GOLGA8M: variants seen among roughly 807,000 people sequenced by gnomAD.
The protein encoded by GOLGA8M is golgin A8 family member M.
GOLGA8M carries 34 observed loss-of-function variants against 87.7 expected under a neutral mutation model. The observed-to-expected ratio is 0.39, with a 90% CI of 0.29 to 0.52. The LOEUF (loss-of-function observed/expected upper bound fraction) is 0.52. GOLGA8M is among the 20% of genes least tolerant of loss of function. The pLI, the probability that GOLGA8M is intolerant of heterozygous loss-of-function variation, is 0.80. For missense variants in GOLGA8M, 396 were observed against 682.2 expected (o/e 0.58, Z 4.67); for synonymous variants, 138 against 250.2 (o/e 0.55, Z 4.23).
chr15:28,700,387 T>TC lies in GOLGA8M; in HGVS notation c.*1566dup, dbSNP rs2079759871. Among the ~76,000 whole-genome samples, 1 of 118,790 alleles carries TC rather than the reference T, an allele frequency of 8.4e-6. No homozygotes were observed. Among genetic ancestry groups the TC allele is most frequent in the Non-Finnish European group, 1.6e-5 (1 of 60,660 alleles). 77.9% of individuals were successfully genotyped at this position (118,790 alleles called of 152,430 possible). On this transcript the variant is annotated 3_prime_UTR_variant, in exon 19 of 19. Transcript: ENST00000563027. Reference sequence around the variant, plus strand: ...TAGGCAATATATAACTGAAATGCATTCATTCATCATGCATAGGCACAATCA... The same window carrying TC: ...TAGGCAATATATAACTGAAATGCATTCCATTCATCATGCATAGGCACAATCA...
In GOLGA8M at chr15:28,702,527, C is replaced by T. The variant is rs751070580; in HGVS notation, c.1505G>A (p.Arg502His). 99 of 1,599,904 alleles carry T rather than the reference C, an allele frequency of 6.2e-5. No homozygotes were observed. The highest frequency in any genetic ancestry group is 1.8e-4 in the Middle Eastern group (1 of 5,572). ...TCCTCCCAGTGCCGCATCTTTGGCA[C>T]GGCCCCCTGGTTCTGATAAAAGGTG... ...IHHLLSEPGG[R>H]AKDAALGGGH... Residue 502 changes from arginine to histidine, a missense_variant, in exon 17 of 19, where the codon CGT becomes CAT. Physicochemically the swap from Arg to His is conservative, Grantham distance 29. This residue lies in a region of GOLGA8M where 173 missense variants were observed against 150.2 expected (regional missense o/e 1.15). Coordinates refer to ENST00000563027, the MANE Select transcript of GOLGA8M (RefSeq NM_001282468.3).
At chr15:28,711,474 T>C (rs2080193384) in intron 1 of GOLGA8M, 1 of 985,042 alleles carries the variant, frequency 1.0e-6, no homozygotes, top group African/African-American at 1.7e-5. Context: ...CACCCAGAGA[T>C]ACCGTCAATG....
rs568902315 is a variant in GOLGA8M, at chr15:28,702,127, G to C, written c.1726C>G (p.Leu576Val). The C allele has an allele frequency of 3.5e-4, 554 of 1,579,192 alleles. 10 individuals are homozygous for C. In the South Asian group the frequency reaches 5.5e-3, roughly 16 times the overall value. ...GAGGAGGTGAGGCTCACCTCACAAA[G>C]ATCTTTGGAGAGAGGGAGGCAGGGA... ...ELGAADKHGD[L>V]CEVSLTSSAQ... The change falls in exon 19 of 19, where the codon CTT (leucine) becomes GTT (valine). Residue 576 changes from leucine (L) to valine (V), a missense_variant and splice_region_variant. Coordinates refer to ENST00000563027, the MANE Select transcript of GOLGA8M (RefSeq NM_001282468.3).
At position 28,702,145 on chromosome 15, in the gene GOLGA8M, G is replaced by C. The variant is rs1274991708; in HGVS notation, c.1724-16C>G. 1 of 1,578,314 alleles carries C rather than the reference G, an allele frequency of 6.3e-7. No homozygotes were observed. ...TCACAAAGATCTTTGGAGAGAGGGA[G>C]GCAGGGATCTGAGCACAGTGGGAGC... On this transcript the variant is annotated splice_polypyrimidine_tract_variant and intron_variant, in intron 18 of 18. Transcript: ENST00000563027.
intron 4 of GOLGA8M, among the ~76,000 whole-genome samples, chr15:28,708,822 G>T (rs939310430): frequency 6.6e-6 from 1 of 151,512 alleles, no homozygotes; most frequent in African/African-American, 2.4e-5. Flanking sequence ...TTAGCCCTGA[G>T]GTTTCCATTC....
chr15:28,702,574 C>A lies in GOLGA8M; in HGVS notation c.1470-12G>T, dbSNP rs576593582. On this transcript the variant is annotated splice_polypyrimidine_tract_variant and intron_variant, in intron 16 of 18. Coordinates refer to ENST00000563027, the MANE Select transcript of GOLGA8M (RefSeq NM_001282468.3). ...GGTGATGGATTTTCCTGCGGGAGGA[C>A]GGGGCTCAGACGCTGGGGCCCCTCC... 6.2e-7 allele frequency: 1 copy of A among 1,608,498 alleles called. No individual in the cohort carries two copies. Among genetic ancestry groups the A allele is most frequent in the East Asian group, 2.2e-5 (1 of 44,836 alleles).
chr15:28,712,729 G>A (rs145049082), upstream of GOLGA8M, among the ~76,000 whole-genome samples: 1,389 of 152,274 alleles, frequency 9.1e-3, 20 homozygotes, highest in African/African-American at 0.03. Context: ...CCGTGTGTGC[G>A]TATCTATGTT....
In GOLGA8M at chr15:28,703,943, G is replaced by C. The variant is rs1220261614; in HGVS notation, c.1201-26C>G. On this transcript the variant is annotated intron_variant, in intron 13 of 18. Transcript: ENST00000563027. ...CTAAGGGGCCAGGAAAGAGTGAGAA[G>C]GGATGGAGTTTGCCAGGTCGTCCCC... is the stretch of plus-strand genomic sequence containing the variant. 5 of 1,592,402 alleles carry C rather than the reference G, an allele frequency of 3.1e-6. No individual in the cohort carries two copies. In the South Asian group the frequency reaches 4.4e-5, roughly 14 times the overall value.
At chr15:28,705,249 G>A in intron 12 of GOLGA8M, 22 bp from the exon 13 acceptor site, 2 of 1,595,448 alleles carry the variant, frequency 1.3e-6, no homozygotes, top group South Asian at 1.1e-5. Flanking sequence ...GAAGCAATCA[G>A]CAGCCACCCA....
rs1485768901 is a variant in GOLGA8M, at chr15:28,699,194, TATC to T, written c.*2757_*2759del. ...ATTTTTTTTTTCATTTCTGGAAAAT[TATC>T]AGGTTGAATCAAATACTTTTAAAAT... On this transcript the variant is annotated 3_prime_UTR_variant, in exon 19 of 19. Coordinates refer to ENST00000563027, the MANE Select transcript of GOLGA8M (RefSeq NM_001282468.3). 7.0e-6 allele frequency among the ~76,000 whole-genome samples: 1 copy of T among 142,538 alleles called. No homozygotes were observed. Among genetic ancestry groups the T allele is most frequent in the Non-Finnish European group, 1.5e-5 (1 of 67,670 alleles). 93.5% of individuals were successfully genotyped at this position (142,538 alleles called of 152,430 possible).
chr15:28,702,916 G>T (rs143758368), intron 15 of GOLGA8M, 171 bp from the exon 16 acceptor site: 1 of 941,684 alleles, frequency 1.1e-6, no homozygotes, highest in Non-Finnish European at 1.2e-6. Context: ...CCCTGGGGCT[G>T]CAGGGCCTCT....
At position 28,712,405 on chromosome 15, in the gene GOLGA8M, C is replaced by A; in HGVS notation, c.-82G>T. ...CCGATCAAGGCCTCCAGTCACCTTC[C>A]AGGCAGCTGTGTGACTGAGCCAGAG... On this transcript the variant is annotated 5_prime_UTR_variant, in exon 1 of 19. Transcript: ENST00000563027. 1.5e-5 allele frequency: 23 copies of A among 1,505,526 alleles called. No individual in the cohort carries two copies. The highest frequency in any genetic ancestry group is 2.1e-5 in the Non-Finnish European group (23 of 1,102,174). The allele number at this position is 1,505,526 out of a possible 1,614,324, so 93.3% of individuals were successfully genotyped here.
At chr15:28,704,090 C>T (rs1307621225) in intron 13 of GOLGA8M, among the ~76,000 whole-genome samples, 173 bp from the exon 14 acceptor site, 51 of 147,940 alleles carry the variant, frequency 3.4e-4, no homozygotes, top group African/African-American at 1.0e-3. Context: ...GCTGGGTCTG[C>T]TGCAGTCACT....
At chr15:28,702,804 C>T (rs1422042253) in intron 15 of GOLGA8M, 59 bp from the exon 16 acceptor site, 1 of 1,583,110 alleles carries the variant, frequency 6.3e-7, no homozygotes, top group Non-Finnish European at 8.5e-7. Flanking sequence ...GTGGCATTTT[C>T]AAGTCATGGA....
At position 28,708,027 on chromosome 15, in the gene GOLGA8M, T is replaced by C. The variant is rs563033964; in HGVS notation, c.407A>G (p.Gln136Arg). Reference protein sequence around the residue: ...KAKRVLEVQLQTLNIQKEELN... With the variant: ...KAKRVLEVQLRTLNIQKEELN... ...TTCCTCTTTCTGTATGTTCAATGTC[T>C]GGAGTTGAACCTTTGGGAGAAAAGC... Residue 136 changes from glutamine (Q) to arginine (R), a missense_variant, in exon 7 of 19, where the codon CAG (glutamine) becomes CGG (arginine). Physicochemically the swap from Gln to Arg is conservative, Grantham distance 43. Coordinates refer to ENST00000563027, the MANE Select transcript of GOLGA8M (RefSeq NM_001282468.3). 2.3e-3 allele frequency: 3,671 copies of C among 1,592,150 alleles called. 136 individuals carry two copies. Among genetic ancestry groups the C allele is most frequent in the Non-Finnish European group, 2.7e-3 (3,222 of 1,177,210 alleles).
intron 15 of GOLGA8M, among the ~76,000 whole-genome samples, 193 bp downstream of exon 15, chr15:28,703,126 G>C (rs2079868625): frequency 7.5e-6 from 1 of 133,786 alleles, no homozygotes; most frequent in Non-Finnish European, 1.5e-5. Flanking sequence ...CAGAGAGGTG[G>C]AGCGCAGCCC....
rs1405260053 is a variant in GOLGA8M, at chr15:28,710,053, A to G, written c.168+434T>C. Among the ~76,000 whole-genome samples, 6 of 143,372 alleles carry G rather than the reference A, an allele frequency of 4.2e-5. 1 individual carries two copies. Among genetic ancestry groups the G allele is most frequent in the African/African-American group, 7.9e-5 (3 of 37,812 alleles). 94.1% of individuals were successfully genotyped at this position (143,372 alleles called of 152,430 possible). ...CTAAATCATATCCCTAGCAGAGCAG[A>G]TGGAGAGGCAGGATTCAAACCCAGA... On this transcript the variant is annotated intron_variant, in intron 2 of 18. Coordinates refer to ENST00000563027, the MANE Select transcript of GOLGA8M (RefSeq NM_001282468.3).
intron 15 of GOLGA8M, 177 bp from the exon 16 acceptor site, chr15:28,702,922 C>A: frequency 2.1e-6 from 2 of 971,608 alleles, no homozygotes; most frequent in Non-Finnish European, 2.4e-6. Flanking sequence ...GGCTGCAGGG[C>A]CTCTGGCTGC....
Position 28,707,997 on chromosome 15 carries a change from T to A in GOLGA8M, c.437A>T (p.Asn146Ile), listed in dbSNP as rs1421294017. 28 of 1,595,814 alleles carry A rather than the reference T, an allele frequency of 1.8e-5. No individual in the cohort carries two copies. Among genetic ancestry groups the A allele is most frequent in the African/African-American group, 2.8e-5 (2 of 71,898 alleles). The change falls in exon 7 of 19, where the codon AAT (asparagine) becomes ATT (isoleucine). Residue 146 changes from asparagine (N) to isoleucine (I), a missense_variant. Physicochemically the swap from Asn to Ile is moderately radical, Grantham distance 149. Around this residue, in one of 12 missense-constraint regions of GOLGA8M, gnomAD observed 80 missense variants for 119.9 expected, o/e 0.67. Transcript: ENST00000563027. Reference sequence around the variant, plus strand: ...ACGTTTCATGTGGTACAGGTCCGTATTTAGTTCCTCTTTCTGTATGTTCAA... The same window carrying A: ...ACGTTTCATGTGGTACAGGTCCGTAATTAGTTCCTCTTTCTGTATGTTCAA... The part of the protein sequence containing the change: ...QTLNIQKEEL[N>I]TDLYHMKRSL...
Sources: gnomAD v4.1 joint callset for allele counts (sites outside exome capture counted in the v4.1 genomes callset) on GRCh38, gnomAD v4.1.1 for gene constraint, gnomAD v4.1.1 regional missense constraint, MANE v1.5 for transcripts, NCBI Gene and HGNC (gene_info 2026-07-23, HGNC 2026-07-21) for gene names.